The following PLEKHG4B variants were observed in gnomAD, a reference collection of about 807,000 sequenced individuals.
PLEKHG4B encodes the protein pleckstrin homology and RhoGEF domain containing G4B, also known as pleckstrin homology domain-containing family G member 4B.
In PLEKHG4B, 111 loss-of-function variants were observed where a neutral mutation model predicts 121.3. The observed-to-expected ratio is 0.92, with a 90% CI of 0.78 to 1.07. The LOEUF is 1.07. Ranked by LOEUF, PLEKHG4B falls within the 50% of genes least tolerant of loss-of-function variation. PLEKHG4B has a pLI of 0.00. For missense variants in PLEKHG4B, 1,831 were observed against 1,757.8 expected (o/e 1.04, Z -0.74); for synonymous variants, 738 against 725.0 (o/e 1.02, Z -0.29).
chr5:170,305 CT>C (rs946439333), intron 14 of PLEKHG4B, among the ~76,000 whole-genome samples: 44 of 147,338 alleles, frequency 3.0e-4, no homozygotes, highest in South Asian at 6.5e-4. Context: ...TCAGTGTTTC[CT>C]TTTTTTTTTT....
chr5:177,883 C>T (rs967526798), intron 18 of PLEKHG4B, among the ~76,000 whole-genome samples: 4 of 152,178 alleles, frequency 2.6e-5, no homozygotes, highest in Non-Finnish European at 5.9e-5. Flanking sequence ...AGACTTTCGT[C>T]CCTTTTCTGT....
chr5:181,706 C>G (rs781300878), intron 19 of PLEKHG4B, 31 bp downstream of exon 19: 1 of 1,598,674 alleles, frequency 6.3e-7, no homozygotes, highest in African/African-American at 1.3e-5. Context: ...CCTCACTCAC[C>G]CTGCAGAGGG....
intron 1 of PLEKHG4B, among the ~76,000 whole-genome samples, chr5:112,736 T>C (rs1181057280): frequency 1.3e-5 from 2 of 152,226 alleles, no homozygotes; most frequent in African/African-American, 2.4e-5. Context: ...GTATTTGCTG[T>C]GGGATGAGCT....
intron 18 of PLEKHG4B, among the ~76,000 whole-genome samples, chr5:174,819 C>A (rs1736702435): frequency 6.6e-6 from 1 of 152,084 alleles, no homozygotes; most frequent in African/African-American, 2.4e-5. Context: ...GAGCCAGGAA[C>A]AGGGAGGCAA....
chr5:164,851 CA>C (rs1385353241), intron 13 of PLEKHG4B, among the ~76,000 whole-genome samples: 6 of 100,140 alleles, frequency 6.0e-5, no homozygotes, highest in South Asian at 3.1e-4. Flanking sequence ...AATGCTGTGA[CA>C]GGGGGCGGGG....
chr5:101,847 G>A (rs1733826701), intron 1 of PLEKHG4B, among the ~76,000 whole-genome samples: 1 of 99,112 alleles, frequency 1.0e-5, no homozygotes, highest in African/African-American at 6.2e-5. Context: ...AGAGACTGTT[G>A]TGAGGTTAAT....
Position 156,347 on chromosome 5 carries a change from A to G in PLEKHG4B, c.2348+137A>G, listed in dbSNP as rs930195399. 34 of 1,004,784 alleles carry G rather than the reference A, an allele frequency of 3.4e-5. No individual in the cohort carries two copies. Among genetic ancestry groups the G allele is most frequent in the Non-Finnish European group, 4.5e-5 (34 of 757,984 alleles). 62.2% of individuals were successfully genotyped at this position (1,004,784 alleles called of 1,614,324 possible). The stretch of plus-strand genomic sequence containing the variant: ...GGTCCAGACCTCCATTCTGACAGCC[A>G]CGCTTTGCCTGGGTCAGAGCTTTTC... On this transcript the variant is annotated intron_variant, in intron 10 of 19. Transcript: ENST00000637938. The surrounding 1 kb of genome is among the most constrained non-coding windows in gnomAD (Gnocchi z 4.4).
intron 2 of PLEKHG4B, among the ~76,000 whole-genome samples, chr5:119,058 G>A (rs901041400): frequency 1.3e-5 from 2 of 151,872 alleles, no homozygotes; most frequent in Non-Finnish European, 2.9e-5. Context: ...TGGGCTTTCA[G>A]TATGTTTCCC....
At chr5:164,352 A>G (rs987299383) in intron 13 of PLEKHG4B, among the ~76,000 whole-genome samples, 19 of 152,118 alleles carry the variant, frequency 1.2e-4, no homozygotes, top group African/African-American at 4.6e-4. Context: ...TGCTTCTCCG[A>G]GACTCTAATG....
Position 139,931 on chromosome 5 carries a change from C to A in PLEKHG4B, c.692C>A (p.Thr231Asn). Residue 231 changes from threonine (T) to asparagine (N), a missense_variant, in exon 3 of 20, where the codon ACC becomes AAC. Thr to Asn is a moderately conservative substitution (Grantham distance 65). Coordinates refer to ENST00000637938, the MANE Select transcript of PLEKHG4B (RefSeq NM_052909.5). This position sits in a 1 kb window ranked among gnomAD's most constrained non-coding sequence, Gnocchi z 5.0. ...PSSPSEAPVP[T>N]QATAGPHFQG... The stretch of plus-strand genomic sequence containing the variant: ...AGCCCCTCAGAGGCCCCAGTCCCCA[C>A]CCAAGCCACAGCAGGCCCCCATTTC... 1 of 407,840 alleles carries A rather than the reference C, an allele frequency of 2.5e-6. No homozygotes were observed. Among genetic ancestry groups the A allele is most frequent in the Non-Finnish European group, 4.3e-6 (1 of 231,464 alleles). 25.3% of individuals were successfully genotyped at this position (407,840 alleles called of 1,614,324 possible).
At chr5:99,170 G>GTGTATATATA (rs1303364136) in intron 1 of PLEKHG4B, among the ~76,000 whole-genome samples, 1 of 100,510 alleles carries the variant, frequency 9.9e-6, no homozygotes, top group African/African-American at 4.0e-5. Flanking sequence ...AAAAAAAAGT[G>GTGTATATATA]TATATATATA....
At chr5:142,271 A>G (rs1735231472) in intron 3 of PLEKHG4B, among the ~76,000 whole-genome samples, 1 of 152,140 alleles carries the variant, frequency 6.6e-6, no homozygotes. Context: ...CTGGGCAGAA[A>G]AGACACACAC....
At position 144,822 on chromosome 5, in the gene PLEKHG4B, C is replaced by T; in HGVS notation, c.1812-5C>T. On this transcript the variant is annotated splice_polypyrimidine_tract_variant and splice_region_variant and intron_variant, in intron 5 of 19. Transcript: ENST00000637938. ...GGTTAAGATGGGCTGTCTTTCCCTC[C>T]CCAGGAAAGAGGTCCGGGACCTGGG... The T allele has an allele frequency of 4.3e-6, 7 of 1,610,928 alleles. No homozygotes were observed. Among genetic ancestry groups the T allele is most frequent in the Non-Finnish European group, 5.9e-6 (7 of 1,177,808 alleles).
Position 169,364 on chromosome 5 carries a change from C to A in PLEKHG4B, c.3501C>A (p.Ala1167=), listed in dbSNP as rs145236424. The change falls in exon 14 of 20, where the codon GCC becomes GCA. Residue 1167 remains alanine (A), a synonymous_variant. Coordinates refer to ENST00000637938, the MANE Select transcript of PLEKHG4B (RefSeq NM_052909.5). ...GCAGCCGACTGAGGCACATCATGGC[C>A]GAGATGATCGCCACAGAGAGGGAGT... ...VGSSRLRHIM[A]EMIATEREYI... 1 of 1,613,948 alleles carries A rather than the reference C, an allele frequency of 6.2e-7. No homozygotes were observed. The highest frequency in any genetic ancestry group is 8.5e-7 in the Non-Finnish European group (1 of 1,180,048).
intron 1 of PLEKHG4B, among the ~76,000 whole-genome samples, chr5:107,719 T>G (rs1734017991): frequency 6.6e-6 from 1 of 152,114 alleles, no homozygotes; most frequent in South Asian, 2.1e-4. Context: ...CATGTGTCAG[T>G]GAGGAGGGGA....
At chr5:126,812 A>G (rs933324518) in intron 2 of PLEKHG4B, among the ~76,000 whole-genome samples, 2 of 152,210 alleles carry the variant, frequency 1.3e-5, no homozygotes, top group Non-Finnish European at 2.9e-5. Context: ...AGAAAGGAGA[A>G]GAACTCTTAC....
chr5:155,017 C>T, intron 8 of PLEKHG4B, 26 bp downstream of exon 8: 1 of 1,557,630 alleles, frequency 6.4e-7, no homozygotes, highest in South Asian at 1.1e-5. Context: ...AGCTGCTGCA[C>T]ATGCGACAGT....
intron 7 of PLEKHG4B, 77 bp downstream of exon 7, chr5:151,676 G>A: frequency 2.1e-6 from 2 of 969,572 alleles, no homozygotes; most frequent in Non-Finnish European, 3.1e-6. Flanking sequence ...TGAAACACAT[G>A]AAGGAATTTA....
Position 171,368 on chromosome 5 carries a change from C to A in PLEKHG4B, c.3974C>A (p.Ala1325Asp). 1 of 1,611,558 alleles carries A rather than the reference C, an allele frequency of 6.2e-7. No homozygotes were observed. Residue 1325 changes from alanine to aspartate, a missense_variant, in exon 16 of 20, where the codon GCC (alanine) becomes GAC (aspartate). By Grantham distance (126) the Ala-to-Asp change is moderately radical (BLOSUM62 -2). Transcript: ENST00000637938. ...GGGCAGGAGCTGGGCGAGCTCCGAG[C>A]CGCCGAGGTCGTGGTCTGCTTCCAG... ...AQGQELGELR[A>D]AEVVVCFQLR...
Sources: allele counts gnomAD v4.1 joint callset (sites outside exome capture counted in the v4.1 genomes callset), GRCh38; gene constraint gnomAD v4.1.1; non-coding constraint Gnocchi (gnomAD v3.1); transcripts MANE v1.5; gene names NCBI Gene and HGNC (gene_info 2026-07-23, HGNC 2026-07-21).